Variants in GHR observed in about 807,000 individuals in gnomAD.
The protein encoded by GHR is growth hormone receptor.
Under a neutral mutation model 67.1 loss-of-function variants are expected in GHR, and 35 were observed. That is an observed-to-expected ratio of 0.52 (90% confidence interval 0.40 to 0.69). The LOEUF is 0.69. Ranked by LOEUF, GHR falls within the 30% of genes least tolerant of loss-of-function variation. The pLI is 0.00. For missense variants in GHR, 792 were observed against 764.6 expected (o/e 1.04, Z -0.42); for synonymous variants, 272 against 269.1 (o/e 1.01, Z -0.10).
chr5:42,669,517 G>A (rs1037559749), intron 3 of GHR, among the ~76,000 whole-genome samples: 4 of 152,136 alleles, frequency 2.6e-5, no homozygotes, highest in Non-Finnish European at 5.9e-5. Context: ...ATACTTTCAG[G>A]CTTGGATTGG....
At chr5:42,467,634 A>C in intron 1 of GHR, 1 of 1,606,676 alleles carries the variant, frequency 6.2e-7, no homozygotes. Flanking sequence ...TTGAGCAAAC[A>C]TAAGGTTTCT....
chr5:42,579,187 GATAGA>G (rs1751022214), intron 2 of GHR, among the ~76,000 whole-genome samples: 1 of 151,154 alleles, frequency 6.6e-6, no homozygotes, highest in Non-Finnish European at 1.5e-5. Context: ...TAGATAGATA[GATAGA>G]TAGATAGACA....
intron 1 of GHR, chr5:42,565,612 A>G (rs1282151880): frequency 2.0e-6 from 2 of 985,178 alleles, no homozygotes; most frequent in Non-Finnish European, 2.4e-6. Context: ...GAGCCAGGGT[A>G]TGAACATCTC....
chr5:42,451,885 G>C (rs1174914142), intron 1 of GHR, among the ~76,000 whole-genome samples: 1 of 152,144 alleles, frequency 6.6e-6, no homozygotes, highest in East Asian at 1.9e-4. Context: ...TTTAAGTGGA[G>C]CATTTAGGCC....
At chr5:42,514,835 A>G (rs915264929) in intron 1 of GHR, 12 of 152,236 alleles carry the variant, frequency 7.9e-5, no homozygotes, top group African/African-American at 2.7e-4. Flanking sequence ...TGTACCTTTA[A>G]GAACTGATCA....
At chr5:42,437,129 C>T (rs184907246) in intron 1 of GHR, among the ~76,000 whole-genome samples, 27 of 152,272 alleles carry the variant, frequency 1.8e-4, no homozygotes, top group African/African-American at 6.3e-4. Flanking sequence ...CATGTAAAAA[C>T]GTGCTTTTCT....
rs1554021883 is a variant in GHR, at chr5:42,579,151, T to TG, written c.70+13207_70+13208insG. 2.5e-3 allele frequency among the ~76,000 whole-genome samples: 224 copies of TG among 88,250 alleles called. 3 individuals are homozygous for TG. Among genetic ancestry groups the TG allele is most frequent in the South Asian group, 4.0e-3 (11 of 2,776 alleles). The allele number at this position is 88,250 out of a possible 152,430, so 57.9% of individuals were successfully genotyped here. Reference sequence around the variant, plus strand: ...GATAGATAGATAGATGATAGATAGATATAGATAGATAGATAGATAGATAGA... The same window carrying TG: ...GATAGATAGATAGATGATAGATAGATGATAGATAGATAGATAGATAGATAGA... On this transcript the variant is annotated intron_variant, in intron 2 of 9. Transcript: ENST00000230882.
chr5:42,687,789 T>C (rs2111647718), intron 3 of GHR, among the ~76,000 whole-genome samples: 1 of 152,226 alleles, frequency 6.6e-6, no homozygotes, highest in East Asian at 1.9e-4. Flanking sequence ...AACCCAGGAA[T>C]GAGAGTTTTA....
intron 1 of GHR, among the ~76,000 whole-genome samples, chr5:42,473,649 C>T (rs1398043035): frequency 6.6e-6 from 1 of 151,364 alleles, no homozygotes; most frequent in Non-Finnish European, 1.5e-5. Context: ...GAGGCTGAGG[C>T]GGGTGGATCA....
At chr5:42,591,638 C>T (rs948506325) in intron 2 of GHR, among the ~76,000 whole-genome samples, 1 of 152,032 alleles carries the variant, frequency 6.6e-6, no homozygotes, top group African/African-American at 2.4e-5. Context: ...GAGGGTCTAC[C>T]TCCCCTGTCT....
At chr5:42,518,714 A>G (rs759056085) in intron 1 of GHR, among the ~76,000 whole-genome samples, 25 of 152,186 alleles carry the variant, frequency 1.6e-4, no homozygotes, top group Non-Finnish European at 3.5e-4. Flanking sequence ...GCCTAGATGA[A>G]TAAATCCTCC....
intron 6 of GHR, among the ~76,000 whole-genome samples, chr5:42,708,715 A>G (rs762812563): frequency 1.5e-4 from 23 of 152,190 alleles, no homozygotes; most frequent in Admixed American, 3.9e-4. Context: ...AAGCCATGGC[A>G]TATAGTTACG....
intron 3 of GHR, among the ~76,000 whole-genome samples, chr5:42,638,845 TA>T (rs147335598): frequency 0.11 from 16,585 of 152,144 alleles, 1,068 homozygotes; most frequent in Middle Eastern, 0.19. Flanking sequence ...TTTTCTTGTG[TA>T]AAAAAATAAA....
intron 6 of GHR, among the ~76,000 whole-genome samples, chr5:42,702,059 GT>G (rs1757957652): frequency 6.6e-6 from 1 of 151,838 alleles, no homozygotes; most frequent in Admixed American, 6.6e-5. Context: ...TTTTTTGTGT[GT>G]TGAGAACACT....
chr5:42,451,598 C>T (rs1196063082), intron 1 of GHR, among the ~76,000 whole-genome samples: 1 of 150,166 alleles, frequency 6.7e-6, no homozygotes, highest in Non-Finnish European at 1.5e-5. Flanking sequence ...CCCAGCTACT[C>T]AAGAGGCTGT....
rs556844945 is a variant in GHR at position 42,603,060 on chromosome 5, TTGTC to T, written c.71-25975_71-25972del. ...CTAGATAAACTCTCTCAACTTTTGTTTGTCTGAGAAATTATTTATCTTGCCTTTA... is the reference window on the plus strand; with the variant it reads ...CTAGATAAACTCTCTCAACTTTTGTTTGAGAAATTATTTATCTTGCCTTTA... On this transcript the variant is annotated intron_variant, in intron 2 of 9. Transcript: ENST00000230882. Among the ~76,000 whole-genome samples the T allele has an allele frequency of 4.9e-3, 753 of 152,318 alleles. 6 individuals are homozygous for T. Among genetic ancestry groups the T allele is most frequent in the South Asian group, 8.9e-3 (43 of 4,830 alleles).
At chr5:42,601,013 G>A (rs1017720168) in intron 2 of GHR, among the ~76,000 whole-genome samples, 36 of 126,892 alleles carry the variant, frequency 2.8e-4, no homozygotes, top group South Asian at 2.7e-4. Context: ...TGCAACCTCC[G>A]CCTCCTGGGT....
chr5:42,481,116 G>A (rs374579726), intron 1 of GHR, among the ~76,000 whole-genome samples: 2 of 152,014 alleles, frequency 1.3e-5, no homozygotes, highest in Admixed American at 6.6e-5. Context: ...TTGCTTGTCT[G>A]TAAAGTATTT....
At chr5:42,605,090 C>CTTTTTTTTTTTTTT (rs57499086) in intron 2 of GHR, among the ~76,000 whole-genome samples, 1 of 90,070 alleles carries the variant, frequency 1.1e-5, no homozygotes, top group African/African-American at 4.9e-5. Context: ...TGTGGTGCCT[C>CTTTTTTTTTTTTTT]TTTTTTTTTT....
Sources: allele counts gnomAD v4.1 joint callset (sites outside exome capture counted in the v4.1 genomes callset), GRCh38; gene constraint gnomAD v4.1.1; transcripts MANE v1.5; gene names NCBI Gene and HGNC (gene_info 2026-07-23, HGNC 2026-07-21).